CCDC141: variants seen among roughly 807,000 people sequenced by gnomAD.
CCDC141 encodes coiled-coil domain containing 141.
Under a neutral mutation model 181.0 loss-of-function variants are expected in CCDC141, and 168 were observed. The observed-to-expected ratio is 0.93, with a 90% CI of 0.82 to 1.05. The LOEUF (loss-of-function observed/expected upper bound fraction) is 1.05. Among genes scored for constraint, CCDC141 ranks in the 50% least tolerant of loss-of-function variants. CCDC141 has a pLI of 0.00. For missense variants in CCDC141, 1,902 were observed against 1,788.5 expected (o/e 1.06, Z -1.14); for synonymous variants, 666 against 642.3 (o/e 1.04, Z -0.56).
intron 6 of CCDC141, among the ~76,000 whole-genome samples, chr2:178,944,098 A>G (rs1034863001): frequency 2.6e-5 from 4 of 152,212 alleles, no homozygotes; most frequent in Non-Finnish European, 5.9e-5. Flanking sequence ...GGGCCTTTGT[A>G]TTAGACAAAA....
chr2:178,977,119 C>A (rs965900497), intron 3 of CCDC141, among the ~76,000 whole-genome samples: 4 of 151,996 alleles, frequency 2.6e-5, no homozygotes, highest in Non-Finnish European at 4.4e-5. Flanking sequence ...CAGGATAATA[C>A]AAAAAATAAT....
intron 4 of CCDC141, among the ~76,000 whole-genome samples, chr2:178,972,077 TA>T (rs200027744): frequency 1.9e-4 from 29 of 150,396 alleles, no homozygotes; most frequent in East Asian, 1.4e-3. Flanking sequence ...ATATATAATT[TA>T]AAAAAAAACC....
At chr2:178,825,625 C>T (rs1684111985), downstream of CCDC141, 1 of 111,422 alleles carries the variant, frequency 9.0e-6, no homozygotes, top group Non-Finnish European at 1.7e-5. Context: ...CCACCCCCCA[C>T]CCCCCACCAA....
At chr2:178,903,654 C>T (rs1687817603) in intron 8 of CCDC141, among the ~76,000 whole-genome samples, 1 of 150,862 alleles carries the variant, frequency 6.6e-6, no homozygotes, top group South Asian at 2.1e-4. Context: ...ATATGTAATG[C>T]TAAATGACGA....
intron 2 of CCDC141, among the ~76,000 whole-genome samples, chr2:179,035,658 G>A (rs2043125509): frequency 1.3e-5 from 2 of 152,144 alleles, no homozygotes; most frequent in East Asian, 3.9e-4. Context: ...TGTTACCTGG[G>A]AGCCTCAGTT....
At chr2:178,816,564 T>G in the CCDC141 span, among the ~76,000 whole-genome samples, 2 of 152,222 alleles carry the variant, frequency 1.3e-5, no homozygotes, top group Non-Finnish European at 2.9e-5. Flanking sequence ...CCAAGGAAAC[T>G]AATTCCTGGA....
chr2:178,962,405 C>A (rs1186737890), intron 4 of CCDC141, among the ~76,000 whole-genome samples: 1 of 152,142 alleles, frequency 6.6e-6, no homozygotes, highest in Non-Finnish European at 1.5e-5. Flanking sequence ...ATCATCAAGA[C>A]CTGTTGATTT....
At chr2:178,996,207 A>C (rs1692281326) in intron 2 of CCDC141, among the ~76,000 whole-genome samples, 1 of 151,398 alleles carries the variant, frequency 6.6e-6, no homozygotes, top group Non-Finnish European at 1.5e-5. Flanking sequence ...CCTTTGGAGT[A>C]GCTGGGATTA....
At position 178,999,804 on chromosome 2, in the gene CCDC141, T is replaced by C. The variant is rs1313495570; in HGVS notation, c.226-21129A>G. Among the ~76,000 whole-genome samples, 5 of 152,068 alleles carry C rather than the reference T, an allele frequency of 3.3e-5. No homozygotes were observed. In the East Asian group the frequency reaches 9.6e-4, roughly 29 times the overall value. ...CCTATCCTTGAACAACTCTTCATCA[T>C]CCTTCGCAACACTATTCAGAAGTTG... is the stretch of plus-strand genomic sequence containing the variant. On this transcript the variant is annotated intron_variant, in intron 2 of 23. Coordinates refer to ENST00000443758, the MANE Select transcript of CCDC141 (RefSeq NM_173648.4).
At chr2:178,861,323 T>C (rs111811962) in intron 17 of CCDC141, among the ~76,000 whole-genome samples, 11,333 of 152,180 alleles carry the variant, frequency 0.074, 600 homozygotes, top group Admixed American at 0.16. Context: ...CACATCACCA[T>C]GCTCGGCTAA....
Position 178,978,681 on chromosome 2 carries a change from T to A in CCDC141, c.226-6A>T. The A allele has an allele frequency of 2.0e-6, 3 of 1,518,176 alleles. No individual in the cohort carries two copies. Among genetic ancestry groups the A allele is most frequent in the Non-Finnish European group, 1.8e-6 (2 of 1,132,366 alleles). 94.0% of individuals were successfully genotyped at this position (1,518,176 alleles called of 1,614,324 possible). ...CATACCCGATCTTCCAAAGCCTAAGTACAAAAGAAAAAGGCATAAGGCAGG... is the reference window on the plus strand; with the variant it reads ...CATACCCGATCTTCCAAAGCCTAAGAACAAAAGAAAAAGGCATAAGGCAGG... On this transcript the variant is annotated splice_region_variant and splice_polypyrimidine_tract_variant and intron_variant, in intron 2 of 23. Transcript: ENST00000443758.
chr2:179,035,257 T>G (rs1484897372), intron 2 of CCDC141, among the ~76,000 whole-genome samples: 2 of 152,164 alleles, frequency 1.3e-5, no homozygotes, highest in African/African-American at 4.8e-5. Flanking sequence ...AATTTTCTTT[T>G]TATTTATCAT....
At chr2:178,817,728 A>C in the CCDC141 span, 3 of 300,292 alleles carry the variant, frequency 1.0e-5, no homozygotes, top group Non-Finnish European at 2.0e-5. Flanking sequence ...CATGTGTAAT[A>C]TTTTCGTTCT....
chr2:178,947,884 T>A (rs1354571283), intron 5 of CCDC141, among the ~76,000 whole-genome samples: 8 of 152,294 alleles, frequency 5.3e-5, no homozygotes, highest in African/African-American at 1.7e-4. Flanking sequence ...AGCATAAATA[T>A]AATGAAAATA....
intron 4 of CCDC141, among the ~76,000 whole-genome samples, chr2:178,964,960 G>T (rs1045445937): frequency 2.6e-5 from 4 of 152,076 alleles, no homozygotes; most frequent in Non-Finnish European, 5.9e-5. Flanking sequence ...TATCATTAAA[G>T]TTCATAAAAT....
At chr2:179,037,970 CAG>C (rs1429939721) in intron 2 of CCDC141, among the ~76,000 whole-genome samples, 2 of 152,110 alleles carry the variant, frequency 1.3e-5, no homozygotes, top group Non-Finnish European at 2.9e-5. Context: ...ACACTAAAAA[CAG>C]AAATACCCAG....
chr2:178,922,656 T>C (rs1688743980), intron 6 of CCDC141, among the ~76,000 whole-genome samples: 1 of 152,198 alleles, frequency 6.6e-6, no homozygotes, highest in Admixed American at 6.5e-5. Flanking sequence ...GCTTAGCAAC[T>C]GGACCAAAAT....
chr2:178,926,047 A>G (rs1474147847), intron 6 of CCDC141, among the ~76,000 whole-genome samples: 1 of 152,182 alleles, frequency 6.6e-6, no homozygotes, highest in Non-Finnish European at 1.5e-5. Flanking sequence ...AAGGCTCTTA[A>G]ATCTGATTGG....
chr2:179,016,086 A>G (rs1357119753), intron 2 of CCDC141, among the ~76,000 whole-genome samples: 1 of 151,670 alleles, frequency 6.6e-6, no homozygotes, highest in Non-Finnish European at 1.5e-5. Context: ...TAAGTGAGGT[A>G]ACTCAGGAAT....
Sources: gnomAD v4.1 joint callset for allele counts (sites outside exome capture counted in the v4.1 genomes callset) on GRCh38, gnomAD v4.1.1 for gene constraint, MANE v1.5 for transcripts, NCBI Gene and HGNC (gene_info 2026-07-23, HGNC 2026-07-21) for gene names.